CNTNAP2: variants seen among roughly 807,000 people sequenced by gnomAD.
CNTNAP2 encodes contactin-associated protein-like 2.
In CNTNAP2, 98 loss-of-function variants were observed where a neutral mutation model predicts 155.2. That is an observed-to-expected ratio of 0.63 (90% CI 0.54 to 0.75). The LOEUF (loss-of-function observed/expected upper bound fraction) is 0.75. CNTNAP2 is among the 30% of genes least tolerant of loss of function. The pLI is 0.00. For synonymous variants in CNTNAP2, 651 were observed against 631.2 expected, an observed-to-expected ratio of 1.03 and a Z score of -0.47; for missense variants, 1,727 against 1,688.1, an observed-to-expected ratio of 1.02 and a Z score of -0.40.
At chr7:147,794,022 A>G (rs1208131106) in intron 13 of CNTNAP2, among the ~76,000 whole-genome samples, 1 of 151,944 alleles carries the variant, frequency 6.6e-6, no homozygotes, top group East Asian at 1.9e-4. Context: ...TTATTCTGCA[A>G]CTTTGCTAAT....
chr7:147,368,942 A>G (rs1433637980), intron 9 of CNTNAP2, among the ~76,000 whole-genome samples: 1 of 152,234 alleles, frequency 6.6e-6, no homozygotes, highest in Non-Finnish European at 1.5e-5. Context: ...ATTGAAATGT[A>G]AATCAATACA....
intron 8 of CNTNAP2, among the ~76,000 whole-genome samples, chr7:147,134,429 T>C (rs552230599): frequency 9.9e-4 from 151 of 151,886 alleles, no homozygotes; most frequent in Non-Finnish European, 1.7e-3. Context: ...TGAAAAGATA[T>C]AAAATCTAAA....
At chr7:146,220,038 A>C (rs1013699459) in intron 1 of CNTNAP2, among the ~76,000 whole-genome samples, 1 of 152,112 alleles carries the variant, frequency 6.6e-6, no homozygotes, top group Non-Finnish European at 1.5e-5. Flanking sequence ...CTGACACTAA[A>C]TCCAGTTCTC....
intron 1 of CNTNAP2, among the ~76,000 whole-genome samples, chr7:146,288,867 C>T (rs574969120): frequency 7.0e-5 from 9 of 128,632 alleles, no homozygotes; most frequent in Non-Finnish European, 1.2e-4. Flanking sequence ...TGTAGTGGTG[C>T]ACTCTCGGCT....
chr7:146,154,702 C>T (rs1172060416), intron 1 of CNTNAP2, among the ~76,000 whole-genome samples: 6 of 152,166 alleles, frequency 3.9e-5, no homozygotes, highest in Non-Finnish European at 8.8e-5. Context: ...GGGCATGAGG[C>T]TGACAGCTCA....
intron 14 of CNTNAP2, among the ~76,000 whole-genome samples, chr7:147,936,114 G>T (rs973818931): frequency 2.0e-5 from 3 of 151,926 alleles, no homozygotes; most frequent in Non-Finnish European, 4.4e-5. Flanking sequence ...TATATATGTT[G>T]GTTTTTAAAA....
intron 9 of CNTNAP2, among the ~76,000 whole-genome samples, chr7:147,354,217 A>G (rs1041908629): frequency 2.8e-4 from 42 of 152,208 alleles, no homozygotes; most frequent in African/African-American, 8.4e-4. Flanking sequence ...GCCCATGCCT[A>G]TGTACTAAAT....
chr7:147,023,715 C>A lies in CNTNAP2; in HGVS notation c.403-20192C>A, dbSNP rs1016787772. 2.6e-5 allele frequency among the ~76,000 whole-genome samples: 4 copies of A among 152,232 alleles called. No homozygotes were observed. The East Asian group carries it at 5.8e-4, about 22-fold the overall frequency. Reference sequence around the variant, plus strand: ...AACTCCTAGTTACTCCTGATGACTTCTAGGCATCTGCCCTCCTTGGGCATC... The same window carrying A: ...AACTCCTAGTTACTCCTGATGACTTATAGGCATCTGCCCTCCTTGGGCATC... On this transcript the variant is annotated intron_variant, in intron 3 of 23. Coordinates refer to ENST00000361727, the MANE Select transcript of CNTNAP2 (RefSeq NM_014141.6).
intron 16 of CNTNAP2, among the ~76,000 whole-genome samples, chr7:148,137,709 GAA>G (rs1339928832): frequency 6.6e-6 from 1 of 150,382 alleles, no homozygotes; most frequent in Admixed American, 6.6e-5. Flanking sequence ...AGGAAGGAAG[GAA>G]GGAAGGAAGG....
chr7:147,435,567 G>A lies in CNTNAP2; in HGVS notation c.1670+39787G>A, dbSNP rs148346405. On this transcript the variant is annotated intron_variant, in intron 10 of 23. Transcript: ENST00000361727. The stretch of plus-strand genomic sequence containing the variant: ...TTGTGACTTAGCAAGGCTGTTATTG[G>A]AGACCTGGCCATTTTAGGTAGTTTT... Among the ~76,000 whole-genome samples, 44 of 152,298 alleles carry A rather than the reference G, an allele frequency of 2.9e-4. No individual in the cohort carries two copies. In the East Asian group the frequency reaches 8.5e-3, roughly 29 times the overall value.
intron 1 of CNTNAP2, among the ~76,000 whole-genome samples, chr7:146,574,544 T>C (rs1420411908): frequency 6.6e-6 from 1 of 152,038 alleles, no homozygotes; most frequent in Non-Finnish European, 1.5e-5. Context: ...CTACTAAAAA[T>C]GCAACAATTA....
At chr7:147,531,997 C>T (rs1296550848) in intron 11 of CNTNAP2, among the ~76,000 whole-genome samples, 1 of 151,892 alleles carries the variant, frequency 6.6e-6, no homozygotes. Flanking sequence ...TTAGTAGAGA[C>T]AGGGTTTCAC....
rs143307845 is a variant in CNTNAP2, at chr7:148,231,694, G to T, written c.3381+1915G>T. ...CTTCCCAATTTTGTTACCGGAAGAA[G>T]GGGTCCTAGTTTCTTGACACTCATT... is the stretch of plus-strand genomic sequence containing the variant. On this transcript the variant is annotated intron_variant, in intron 20 of 23. Transcript: ENST00000361727. Among the ~76,000 whole-genome samples, 366 of 152,238 alleles carry T rather than the reference G, an allele frequency of 2.4e-3. 3 individuals are homozygous for T. The highest frequency in any genetic ancestry group is 8.5e-3 in the African/African-American group (353 of 41,544).
intron 3 of CNTNAP2, among the ~76,000 whole-genome samples, chr7:147,040,451 A>ATTTTT (rs34880534): frequency 3.7e-5 from 3 of 80,828 alleles, no homozygotes; most frequent in Non-Finnish European, 4.5e-5. Flanking sequence ...TTAAGAGTGA[A>ATTTTT]TTTTTTTTTT....
At chr7:147,351,148 G>A (rs1222117879) in intron 9 of CNTNAP2, among the ~76,000 whole-genome samples, 1 of 151,576 alleles carries the variant, frequency 6.6e-6, no homozygotes, top group Admixed American at 6.6e-5. Flanking sequence ...TATTTGGTTG[G>A]GTAAAAGTCA....
intron 13 of CNTNAP2, among the ~76,000 whole-genome samples, chr7:147,837,577 T>C (rs1439155810): frequency 6.6e-6 from 1 of 152,020 alleles, no homozygotes; most frequent in Non-Finnish European, 1.5e-5. Context: ...AAGTCCACAG[T>C]CCAAAGTCTT....
intron 1 of CNTNAP2, among the ~76,000 whole-genome samples, chr7:146,585,077 A>G (rs548667971): frequency 1.3e-5 from 2 of 151,902 alleles, no homozygotes; most frequent in South Asian, 4.2e-4. Flanking sequence ...TCCTAAAATT[A>G]TTGGCCCAAA....
At chr7:147,148,373 G>A (rs533992790) in intron 8 of CNTNAP2, among the ~76,000 whole-genome samples, 86 of 137,524 alleles carry the variant, frequency 6.3e-4, no homozygotes, top group Non-Finnish European at 1.2e-3. Context: ...CTGGGCGACA[G>A]AGCGAGACTC....
rs1795149440 is a variant in CNTNAP2, at chr7:147,312,732, G to A, written c.1498+12442G>A. 1.9e-5 allele frequency among the ~76,000 whole-genome samples: 2 copies of A among 108,064 alleles called. 1 individual carries two copies. Among genetic ancestry groups the A allele is most frequent in the Non-Finnish European group, 3.5e-5 (2 of 56,372 alleles). The allele number at this position is 108,064 out of a possible 152,430, so 70.9% of individuals were successfully genotyped here. A position where few individuals can be genotyped will look rare whatever the true frequency, so the allele number is the denominator to read the frequency against. The stretch of plus-strand genomic sequence containing the variant: ...TGCTGCAATAAACATACGTGTATTT[G>A]TGTCTTTATAACAGCATGATTTATA... On this transcript the variant is annotated intron_variant, in intron 9 of 23. Coordinates refer to ENST00000361727, the MANE Select transcript of CNTNAP2 (RefSeq NM_014141.6).
Sources: gnomAD v4.1 joint callset for allele counts (sites outside exome capture counted in the v4.1 genomes callset) on GRCh38, gnomAD v4.1.1 for gene constraint, MANE v1.5 for transcripts, NCBI Gene and HGNC (gene_info 2026-07-23, HGNC 2026-07-21) for gene names.